Variants in SLC38A6 observed in about 807,000 individuals in gnomAD.
SLC38A6 encodes solute carrier family 38 member 6, also known as N system amino acid transporter NAT-1.
SLC38A6 carries 73 observed loss-of-function variants against 65.0 expected under a neutral mutation model. That is an observed-to-expected ratio of 1.12 (90% CI 0.93 to 1.37). The LOEUF (loss-of-function observed/expected upper bound fraction) is 1.37. Ranked by LOEUF, SLC38A6 falls within the 40% of genes most tolerant of loss-of-function variation. The pLI is 0.00. For missense variants in SLC38A6, 561 were observed against 531.1 expected, an observed-to-expected ratio of 1.06 and a Z score of -0.55; for synonymous variants, 183 against 178.8, an observed-to-expected ratio of 1.02 and a Z score of -0.19.
intron 15 of SLC38A6, among the ~76,000 whole-genome samples, chr14:61,063,500 AG>A (rs2042923340): frequency 6.6e-6 from 1 of 152,214 alleles, no homozygotes; most frequent in Non-Finnish European, 1.5e-5. Context: ...ACCAGAACCT[AG>A]GGCTCTCCTC....
At chr14:61,023,746 A>G (rs547347998) in intron 5 of SLC38A6, among the ~76,000 whole-genome samples, 2 of 152,150 alleles carry the variant, frequency 1.3e-5, no homozygotes, top group South Asian at 2.1e-4. Flanking sequence ...TGGTGAATCC[A>G]TGAAAAAAAT....
intron 8 of SLC38A6, among the ~76,000 whole-genome samples, chr14:61,038,311 A>G (rs1387441697): frequency 1.3e-5 from 2 of 152,028 alleles, no homozygotes; most frequent in African/African-American, 4.8e-5. Context: ...TATAAAGATA[A>G]GAATTTAAAT....
At chr14:61,016,040 CA>C in intron 4 of SLC38A6, 84 bp downstream of exon 4, 2 of 984,810 alleles carry the variant, frequency 2.0e-6, no homozygotes, top group Non-Finnish European at 3.0e-6. Context: ...CAAGTATATA[CA>C]AGAGGAAGAC....
Position 60,984,719 on chromosome 14 carries a change from T to G in SLC38A6, c.237-11T>G, listed in dbSNP as rs758326657. 1 of 1,613,770 alleles carries G rather than the reference T, an allele frequency of 6.2e-7. No homozygotes were observed. The highest frequency in any genetic ancestry group is 8.5e-7 in the Non-Finnish European group (1 of 1,179,850). ...TGGGAGGTTTTGACCAGGTGTTCTT[T>G]TATGTTTTAGCTTCTTGCTGCTGAC... On this transcript the variant is annotated splice_polypyrimidine_tract_variant and intron_variant, in intron 2 of 15. Transcript: ENST00000267488.
chr14:61,015,428 G>A (rs904934327), intron 3 of SLC38A6, among the ~76,000 whole-genome samples: 9 of 152,150 alleles, frequency 5.9e-5, no homozygotes, highest in South Asian at 2.1e-4. Context: ...AGATGAACCC[G>A]GTACCTCAGT....
intron 6 of SLC38A6, 197 bp downstream of exon 6, chr14:61,030,720 C>T (rs980994084): frequency 8.5e-6 from 4 of 470,058 alleles, no homozygotes; most frequent in African/African-American, 4.0e-5. Flanking sequence ...CATATGAAAG[C>T]GCTGTTCTGT....
chr14:60,990,775 C>T (rs565893358), intron 3 of SLC38A6, among the ~76,000 whole-genome samples: 43 of 152,164 alleles, frequency 2.8e-4, no homozygotes, highest in South Asian at 1.0e-3. Context: ...TCACCATGCA[C>T]GTCACCACAC....
intron 3 of SLC38A6, 109 bp downstream of exon 3, chr14:60,984,912 A>G: frequency 9.6e-7 from 1 of 1,041,608 alleles, no homozygotes; most frequent in Non-Finnish European, 1.5e-6. Context: ...ATACATTTTT[A>G]TTAGATAGGG....
At chr14:61,011,856 T>G (rs1341989230) in intron 3 of SLC38A6, among the ~76,000 whole-genome samples, 4 of 152,234 alleles carry the variant, frequency 2.6e-5, no homozygotes, top group Non-Finnish European at 5.9e-5. Flanking sequence ...TTTTTGGTTG[T>G]GTCTCTGCCA....
chr14:60,989,837 A>G (rs562954535), intron 3 of SLC38A6, among the ~76,000 whole-genome samples: 125 of 152,292 alleles, frequency 8.2e-4, no homozygotes, highest in African/African-American at 2.9e-3. Context: ...GCTAAATCCA[A>G]TGATCAGTTC....
chr14:61,068,779 C>G (rs2043116654), intron 15 of SLC38A6, among the ~76,000 whole-genome samples: 1 of 152,208 alleles, frequency 6.6e-6, no homozygotes. Flanking sequence ...ACATAACTGT[C>G]TTATTTATAA....
chr14:60,995,466 A>T (rs955945388), intron 3 of SLC38A6, among the ~76,000 whole-genome samples: 5 of 152,248 alleles, frequency 3.3e-5, no homozygotes, highest in Non-Finnish European at 5.9e-5. Context: ...GGATGGGAAG[A>T]TGTTCATCAA....
intron 3 of SLC38A6, among the ~76,000 whole-genome samples, chr14:60,995,603 A>G (rs2038231058): frequency 6.6e-6 from 1 of 152,128 alleles, no homozygotes. Context: ...TTTTACCACA[A>G]GGAAGGAAGA....
chr14:60,987,224 C>T (rs12891495), intron 3 of SLC38A6: 26,663 of 191,430 alleles, frequency 0.14, 2,289 homozygotes, highest in East Asian at 0.38. Flanking sequence ...GAGTATAATA[C>T]GTAACTAACT....
At chr14:61,036,231 T>A (rs549903509) in intron 6 of SLC38A6, among the ~76,000 whole-genome samples, 1 of 152,314 alleles carries the variant, frequency 6.6e-6, no homozygotes, top group East Asian at 1.9e-4. Flanking sequence ...TACTGAATAT[T>A]CAGTATATTG....
intron 3 of SLC38A6, among the ~76,000 whole-genome samples, chr14:61,000,803 A>T (rs985887997): frequency 6.6e-6 from 1 of 152,178 alleles, no homozygotes; most frequent in African/African-American, 2.4e-5. Flanking sequence ...TGTTTTAGGG[A>T]TGTAATGAAT....
rs771388154 is a variant in SLC38A6, at chr14:61,051,831, C to T, written c.1095C>T (p.Phe365=). The T allele has an allele frequency of 6.2e-7, 1 of 1,612,472 alleles. No individual in the cohort carries two copies. The highest frequency in any genetic ancestry group is 8.5e-7 in the Non-Finnish European group (1 of 1,179,346). Residue 365 remains phenylalanine, a synonymous_variant, in exon 14 of 16, where the codon TTC becomes TTT. Coordinates refer to ENST00000267488, the MANE Select transcript of SLC38A6 (RefSeq NM_153811.3). ...VTMMFFSNFP[F]SWIRHFLITL... is the part of the protein sequence containing the mutation. ...TGATGTTTTTCTCCAATTTTCCATT[C>T]TCATGGATTCGCCATTTTTTGATCA... is the stretch of plus-strand genomic sequence containing the variant.
chr14:61,081,938 C>A (rs898054265), intron 16 of SLC38A6, among the ~76,000 whole-genome samples: 2 of 152,076 alleles, frequency 1.3e-5, no homozygotes, highest in Non-Finnish European at 2.9e-5. Flanking sequence ...TTCTGTGGAA[C>A]GTGGTATCGG....
intron 12 of SLC38A6, among the ~76,000 whole-genome samples, chr14:61,050,106 G>A (rs1316024200): frequency 6.6e-6 from 1 of 152,134 alleles, no homozygotes; most frequent in Non-Finnish European, 1.5e-5. Context: ...TTTGTGTTAT[G>A]TGATCTTAGG....
Sources: allele counts gnomAD v4.1 joint callset (sites outside exome capture counted in the v4.1 genomes callset), GRCh38; gene constraint gnomAD v4.1.1; transcripts MANE v1.5; gene names NCBI Gene and HGNC (gene_info 2026-07-23, HGNC 2026-07-21).